The following GPR39 variants were observed in gnomAD, a reference collection of about 807,000 sequenced individuals.
The protein encoded by GPR39 is G protein-coupled receptor 39.
In GPR39, 23 loss-of-function variants were observed where a neutral mutation model predicts 18.4. The ratio of observed to expected loss-of-function variants is 1.25; its 90% confidence interval spans 0.90 to 1.77. The LOEUF (loss-of-function observed/expected upper bound fraction) is 1.77, where lower values mean the gene tolerates loss of function less well. GPR39 is among the 40% of genes most tolerant of loss of function. The pLI is 0.00. For missense variants in GPR39, 647 were observed against 602.4 expected (o/e 1.07, Z -0.78); for synonymous variants, 280 against 257.9 (o/e 1.09, Z -0.82).
intron 1 of GPR39, among the ~76,000 whole-genome samples, chr2:132,582,756 T>C (rs1367365202): frequency 1.3e-5 from 2 of 152,096 alleles, no homozygotes; most frequent in East Asian, 3.9e-4. Context: ...CAAACCAGCC[T>C]CACCCTCCTT....
At position 132,421,822 on chromosome 2, in the gene GPR39, A is replaced by G. The variant is rs555036426; in HGVS notation, c.856+3924A>G. Reference sequence around the variant, plus strand: ...GTCAAACCAAGCAGGGCCAGGGAAGAAGAAGAGAGAGAAGAGAGGGTAGAG... The same window carrying G: ...GTCAAACCAAGCAGGGCCAGGGAAGGAGAAGAGAGAGAAGAGAGGGTAGAG... On this transcript the variant is annotated intron_variant, in intron 1 of 1. Coordinates refer to ENST00000329321, the MANE Select transcript of GPR39 (RefSeq NM_001508.3). 1.0e-4 allele frequency among the ~76,000 whole-genome samples: 14 copies of G among 139,500 alleles called. No homozygotes were observed. In the South Asian group the frequency reaches 2.4e-3, roughly 24 times the overall value. The allele number at this position is 139,500 out of a possible 152,430, so 91.5% of individuals were successfully genotyped here. A position where few individuals can be genotyped will look rare whatever the true frequency, so the allele number is the denominator to read the frequency against.
Position 132,513,664 on chromosome 2 carries a change from A to G in GPR39, c.856+95766A>G, listed in dbSNP as rs535308278. ...TTGGGAAACTAAGTCTTGTCAATTA[A>G]CATCTTTGTCTGTTCCAGCTTAAGA... is the stretch of plus-strand genomic sequence containing the variant. On this transcript the variant is annotated intron_variant, in intron 1 of 1. Transcript: ENST00000329321. 2.6e-5 allele frequency among the ~76,000 whole-genome samples: 4 copies of G among 152,348 alleles called. No individual in the cohort carries two copies. In the South Asian group the frequency reaches 8.3e-4, roughly 32 times the overall value.
At chr2:132,557,045 G>A (rs1680164636) in intron 1 of GPR39, among the ~76,000 whole-genome samples, 1 of 151,032 alleles carries the variant, frequency 6.6e-6, no homozygotes, top group African/African-American at 2.4e-5. Flanking sequence ...GCCAGGTATG[G>A]TGGCTCATGC....
chr2:132,563,501 A>G (rs11677076), intron 1 of GPR39, among the ~76,000 whole-genome samples: 37,222 of 152,034 alleles, frequency 0.24, 5,901 homozygotes, highest in East Asian at 0.77. Context: ...TAAAATGAGT[A>G]TCCTGTTTAT....
chr2:132,553,802 T>C (rs1376609790), intron 1 of GPR39, among the ~76,000 whole-genome samples: 1 of 152,026 alleles, frequency 6.6e-6, no homozygotes, highest in African/African-American at 2.4e-5. Flanking sequence ...AGAAGGCCTC[T>C]CTGAAACCCA....
At chr2:132,586,170 A>C (rs2104827694) in intron 1 of GPR39, among the ~76,000 whole-genome samples, 1 of 152,142 alleles carries the variant, frequency 6.6e-6, no homozygotes, top group Middle Eastern at 3.4e-3. Flanking sequence ...ACGGTAAAGT[A>C]TCTGCGCTGT....
At chr2:132,632,891 A>T (rs1381918915) in intron 1 of GPR39, among the ~76,000 whole-genome samples, 1 of 152,206 alleles carries the variant, frequency 6.6e-6, no homozygotes, top group Non-Finnish European at 1.5e-5. Flanking sequence ...CTGACATATG[A>T]TAATGAGGTG....
chr2:132,545,634 T>C (rs767059168), intron 1 of GPR39, among the ~76,000 whole-genome samples: 2 of 147,852 alleles, frequency 1.4e-5, no homozygotes, highest in African/African-American at 2.5e-5. Context: ...AACCATCTTA[T>C]AATCCACGAT....
At chr2:132,591,257 CAAAAAAAAA>C (rs747314988) in intron 1 of GPR39, among the ~76,000 whole-genome samples, 1 of 24,602 alleles carries the variant, frequency 4.1e-5, no homozygotes, top group African/African-American at 2.1e-4. Context: ...GACTCCGTCT[CAAAAAAAAA>C]AAAAAAAAAA....
At chr2:132,631,903 A>G (rs1262021583) in intron 1 of GPR39, among the ~76,000 whole-genome samples, 1 of 150,650 alleles carries the variant, frequency 6.6e-6, no homozygotes, top group Non-Finnish European at 1.5e-5. Flanking sequence ...GCTCACTGCA[A>G]CCTCTGCCTC....
chr2:132,538,529 G>C (rs1216150822), intron 1 of GPR39, among the ~76,000 whole-genome samples: 1 of 152,234 alleles, frequency 6.6e-6, no homozygotes, highest in African/African-American at 2.4e-5. Context: ...CATGGGGTCA[G>C]GAATCCACTT....
At chr2:132,587,392 T>G (rs1292120700) in intron 1 of GPR39, among the ~76,000 whole-genome samples, 1 of 152,256 alleles carries the variant, frequency 6.6e-6, no homozygotes, top group Non-Finnish European at 1.5e-5. Context: ...AAAGAACAAC[T>G]GCCTCTTGGA....
intron 1 of GPR39, among the ~76,000 whole-genome samples, chr2:132,597,705 A>C (rs1680970532): frequency 6.6e-6 from 1 of 152,224 alleles, no homozygotes; most frequent in South Asian, 2.1e-4. Context: ...ATATGTGTTC[A>C]TGGACCATTT....
chr2:132,425,113 CAT>C (rs1421355545), intron 1 of GPR39, among the ~76,000 whole-genome samples: 2 of 152,192 alleles, frequency 1.3e-5, no homozygotes, highest in Non-Finnish European at 2.9e-5. Context: ...ACGACCAACT[CAT>C]ATATCTCCCA....
intron 1 of GPR39, among the ~76,000 whole-genome samples, chr2:132,611,293 C>A (rs1161035896): frequency 6.6e-6 from 1 of 152,162 alleles, no homozygotes; most frequent in Non-Finnish European, 1.5e-5. Flanking sequence ...TATTAGGCGT[C>A]TTTTACTTGG....
At chr2:132,435,654 T>C (rs1158747181) in intron 1 of GPR39, among the ~76,000 whole-genome samples, 1 of 152,186 alleles carries the variant, frequency 6.6e-6, no homozygotes, top group Non-Finnish European at 1.5e-5. Context: ...CTTGTGATAT[T>C]ACAGAAAGAA....
chr2:132,512,184 A>C (rs1239851172), intron 1 of GPR39, among the ~76,000 whole-genome samples: 1 of 152,162 alleles, frequency 6.6e-6, no homozygotes, highest in Non-Finnish European at 1.5e-5. Flanking sequence ...GCTGGTGTAC[A>C]TGTAAACTTG....
intron 1 of GPR39, among the ~76,000 whole-genome samples, chr2:132,430,459 G>T (rs904846700): frequency 6.6e-6 from 1 of 152,170 alleles, no homozygotes; most frequent in African/African-American, 2.4e-5. Context: ...TATTTAGCAA[G>T]TAAGAAGGAA....
chr2:132,619,006 A>C (rs12466229), intron 1 of GPR39, among the ~76,000 whole-genome samples: 40,183 of 152,024 alleles, frequency 0.26, 5,360 homozygotes, highest in East Asian at 0.34. Context: ...AACCCCGAGG[A>C]CGGACCCAGT....
Sources: allele counts gnomAD v4.1 joint callset (sites outside exome capture counted in the v4.1 genomes callset), GRCh38; gene constraint gnomAD v4.1.1; transcripts MANE v1.5; gene names NCBI Gene and HGNC (gene_info 2026-07-23, HGNC 2026-07-21).